ZNF37A: variants seen among roughly 807,000 people sequenced by gnomAD.
ZNF37A encodes the protein zinc finger protein 37a (KOX 21).
ZNF37A carries 10 observed loss-of-function variants against 12.3 expected under a neutral mutation model. The observed-to-expected ratio is 0.82, with a 90% CI of 0.50 to 1.38. ZNF37A has a LOEUF of 1.38. Ranked by LOEUF, ZNF37A falls within the 40% of genes most tolerant of loss-of-function variation. The probability of loss-of-function intolerance (pLI) is 0.00; values close to 1 mark genes in which losing one functional copy is unlikely to be tolerated. For synonymous variants in ZNF37A, 207 were observed against 223.0 expected, an observed-to-expected ratio of 0.93 and a Z score of 0.64; for missense variants, 580 against 651.2, an observed-to-expected ratio of 0.89 and a Z score of 1.19.
At chr10:38,138,721 G>C (rs2070142962) in intron 7 of ZNF37A, 1 of 152,130 alleles carries the variant, frequency 6.6e-6, no homozygotes, top group Admixed American at 6.5e-5. Context: ...AGAACAAACA[G>C]CATTGAGTCT....
At chr10:38,129,032 G>A (rs1390943282), downstream of ZNF37A, among the ~76,000 whole-genome samples, 4 of 151,996 alleles carry the variant, frequency 2.6e-5, no homozygotes, top group Admixed American at 6.6e-5. Flanking sequence ...GGTTACAAGC[G>A]TGAGCCACCG....
Position 38,122,284 on chromosome 10 carries a change from A to G in ZNF37A, c.*3447A>G, listed in dbSNP as rs1478010082. 1 of 152,176 alleles carries G rather than the reference A, an allele frequency of 6.6e-6. No individual in the cohort carries two copies. Among genetic ancestry groups the G allele is most frequent in the Non-Finnish European group, 1.5e-5 (1 of 68,044 alleles). The allele number at this position is 152,176 out of a possible 1,614,324, so 9.4% of individuals were successfully genotyped here. ...GATGTCATTCAGCAGGTTAATGGAT[A>G]AACTGTGGAACATCCAGAAAACTTT... On this transcript the variant is annotated 3_prime_UTR_variant, in exon 8 of 8. Transcript: ENST00000685332.
At chr10:38,102,497 T>G (rs2135901107) in intron 5 of ZNF37A, among the ~76,000 whole-genome samples, 1 of 152,328 alleles carries the variant, frequency 6.6e-6, no homozygotes, top group Non-Finnish European at 1.5e-5. Flanking sequence ...ATATTAGGCC[T>G]TCATAAATTG....
downstream of ZNF37A, among the ~76,000 whole-genome samples, chr10:38,127,596 G>C (rs1174679271): frequency 1.3e-5 from 2 of 152,120 alleles, no homozygotes; most frequent in African/African-American, 4.8e-5. Context: ...CAGTTTGTTA[G>C]TAGAACACCT....
intron 5 of ZNF37A, among the ~76,000 whole-genome samples, chr10:38,101,558 C>T (rs2067573886): frequency 6.6e-6 from 1 of 150,402 alleles, no homozygotes; most frequent in Admixed American, 6.6e-5. Context: ...ATTTCTATTT[C>T]TGTTACTATG....
At chr10:38,129,314 A>AAAAAAAAAAAAAAAAAAAAAAAAG (rs1397906687), downstream of ZNF37A, among the ~76,000 whole-genome samples, 1 of 147,660 alleles carries the variant, frequency 6.8e-6, no homozygotes, top group African/African-American at 2.5e-5. Context: ...TAAAAAAAAA[A>AAAAAAAAAAAAAAAAAAAAAAAAG]AAAAAAAACT....
At position 38,120,512 on chromosome 10, in the gene ZNF37A, A is replaced by G. The variant is rs1371465334; in HGVS notation, c.*1675A>G. On this transcript the variant is annotated 3_prime_UTR_variant, in exon 8 of 8. Coordinates refer to ENST00000685332, the MANE Select transcript of ZNF37A (RefSeq NM_001324250.3). Reference sequence around the variant, plus strand: ...ATGGACCCATTGAGGATAACTATAAAATTACAGAAAATATTTAAATGCAAC... The same window carrying G: ...ATGGACCCATTGAGGATAACTATAAGATTACAGAAAATATTTAAATGCAAC... 1 of 152,228 alleles carries G rather than the reference A, an allele frequency of 6.6e-6. No homozygotes were observed. Among genetic ancestry groups the G allele is most frequent in the Non-Finnish European group, 1.5e-5 (1 of 68,052 alleles). The allele number at this position is 152,228 out of a possible 1,614,324, so 9.4% of individuals were successfully genotyped here. A position where few individuals can be genotyped will look rare whatever the true frequency, so the allele number is the denominator to read the frequency against.
chr10:38,105,972 A>AT (rs34718983), intron 5 of ZNF37A, among the ~76,000 whole-genome samples: 29 of 150,310 alleles, frequency 1.9e-4, no homozygotes, highest in African/African-American at 3.4e-4. Context: ...AATGTCTTTT[A>AT]TTTTTTTTTT....
chr10:38,134,980 A>G (rs1428084941), intron 7 of ZNF37A, among the ~76,000 whole-genome samples: 5 of 152,144 alleles, frequency 3.3e-5, no homozygotes, highest in South Asian at 2.1e-4. Context: ...TATCTCACTT[A>G]CTTATACGTA....
intron 7 of ZNF37A, 138 bp downstream of exon 7, chr10:38,115,428 A>T: frequency 7.9e-7 from 1 of 1,263,632 alleles, no homozygotes; most frequent in Non-Finnish European, 1.1e-6. Context: ...TGTTGACGTG[A>T]CCCAAATATG....
intron 7 of ZNF37A, among the ~76,000 whole-genome samples, chr10:38,133,839 A>G (rs2070067873): frequency 6.6e-6 from 1 of 152,120 alleles, no homozygotes; most frequent in Non-Finnish European, 1.5e-5. Flanking sequence ...CAGTAATGGG[A>G]TGGTTGGGTC....
At chr10:38,114,368 GTTACAC>G (rs1185717459) in intron 5 of ZNF37A, among the ~76,000 whole-genome samples, 1 of 152,206 alleles carries the variant, frequency 6.6e-6, no homozygotes, top group African/African-American at 2.4e-5. Context: ...ATCCATCTGT[GTTACAC>G]ATAGCTGTGG....
chr10:38,096,068 C>A (rs1369927964), intron 4 of ZNF37A, among the ~76,000 whole-genome samples: 1 of 152,038 alleles, frequency 6.6e-6, no homozygotes. Context: ...CACCTGTAGT[C>A]CCAGCGACTT....
intron 5 of ZNF37A, among the ~76,000 whole-genome samples, chr10:38,104,775 T>TACACAC (rs34085657): frequency 5.9e-5 from 9 of 151,332 alleles, no homozygotes; most frequent in East Asian, 3.9e-4. Flanking sequence ...TATGTATACA[T>TACACAC]ACACACACAC....
At chr10:38,106,546 A>G (rs1284061423) in intron 5 of ZNF37A, among the ~76,000 whole-genome samples, 2 of 152,148 alleles carry the variant, frequency 1.3e-5, no homozygotes, top group African/African-American at 4.8e-5. Flanking sequence ...GGGTAATAAT[A>G]ACTAACTCCT....
chr10:38,142,606 C>G (rs1262143454), intron 7 of ZNF37A: 1 of 152,166 alleles, frequency 6.6e-6, no homozygotes, highest in Non-Finnish European at 1.5e-5. Flanking sequence ...CATGATTGGT[C>G]AGGCTGGTTC....
chr10:38,132,011 G>A (rs2070034029), intron 7 of ZNF37A, among the ~76,000 whole-genome samples: 1 of 152,026 alleles, frequency 6.6e-6, no homozygotes, highest in South Asian at 2.1e-4. Context: ...AGCTCTGGTG[G>A]TTTTCTTTGG....
chr10:38,122,278 A>G lies in ZNF37A; in HGVS notation c.*3441A>G, dbSNP rs2069745342. ...AAAAAAGATGTCATTCAGCAGGTTA[A>G]TGGATAAACTGTGGAACATCCAGAA... On this transcript the variant is annotated 3_prime_UTR_variant, in exon 8 of 8. Transcript: ENST00000685332. The G allele has an allele frequency of 6.6e-6, 1 of 152,158 alleles. No homozygotes were observed. Among genetic ancestry groups the G allele is most frequent in the South Asian group, 2.1e-4 (1 of 4,832 alleles). 9.4% of individuals were successfully genotyped at this position (152,158 alleles called of 1,614,324 possible).
At chr10:38,114,707 T>C in intron 5 of ZNF37A, 48 bp from the exon 6 acceptor site, 1 of 1,613,200 alleles carries the variant, frequency 6.2e-7, no homozygotes, top group East Asian at 2.2e-5. Flanking sequence ...TTTTTTCACG[T>C]CAACTGATTC....
Sources: gnomAD v4.1 joint callset for allele counts (sites outside exome capture counted in the v4.1 genomes callset) on GRCh38, gnomAD v4.1.1 for gene constraint, MANE v1.5 for transcripts, NCBI Gene and HGNC (gene_info 2026-07-23, HGNC 2026-07-21) for gene names.